The following ESCO1 variants were observed in gnomAD, a reference collection of about 807,000 sequenced individuals.
The protein encoded by ESCO1 is establishment of sister chromatid cohesion N-acetyltransferase 1, also known as N-acetyltransferase ESCO1.
In ESCO1, 33 loss-of-function variants were observed where a neutral mutation model predicts 83.5. The ratio of observed to expected loss-of-function variants is 0.40; its 90% CI spans 0.30 to 0.53. The LOEUF (loss-of-function observed/expected upper bound fraction) is 0.53. Ranked by LOEUF, ESCO1 falls within the 20% of genes least tolerant of loss-of-function variation. The pLI is 0.63. For missense variants in ESCO1, 855 were observed against 968.0 expected (o/e 0.88, Z 1.55); for synonymous variants, 332 against 324.3 (o/e 1.02, Z -0.25).
intron 2 of ESCO1, among the ~76,000 whole-genome samples, chr18:21,582,266 G>T (rs1205928644): frequency 2.0e-5 from 3 of 149,652 alleles, no homozygotes; most frequent in Non-Finnish European, 4.4e-5. Context: ...TTTCGCTCCT[G>T]TTGTCCAAGC....
At chr18:21,558,123 C>A (rs2038135866) in intron 8 of ESCO1, among the ~76,000 whole-genome samples, 1 of 151,814 alleles carries the variant, frequency 6.6e-6, no homozygotes, top group Non-Finnish European at 1.5e-5. Flanking sequence ...GAAACTGGGA[C>A]TACAGGCGCA....
intron 1 of ESCO1, among the ~76,000 whole-genome samples, chr18:21,584,996 G>A (rs1023191220): frequency 3.0e-4 from 46 of 152,018 alleles, no homozygotes; most frequent in African/African-American, 1.1e-3. Flanking sequence ...ACAAAAATTA[G>A]CCAGGTGTGG....
At chr18:21,549,613 C>T (rs2038019658) in intron 8 of ESCO1, among the ~76,000 whole-genome samples, 1 of 151,830 alleles carries the variant, frequency 6.6e-6, no homozygotes, top group South Asian at 2.1e-4. Context: ...CGGGGTTTTA[C>T]CATGTTGGTC....
intron 1 of ESCO1, among the ~76,000 whole-genome samples, chr18:21,598,466 G>T (rs990116288): frequency 6.6e-6 from 1 of 151,988 alleles, no homozygotes; most frequent in Non-Finnish European, 1.5e-5. Flanking sequence ...TTGGGAGGCC[G>T]AGGCAGGCGG....
intron 8 of ESCO1, among the ~76,000 whole-genome samples, chr18:21,554,955 G>A (rs1166536743): frequency 1.3e-5 from 2 of 151,826 alleles, no homozygotes; most frequent in Non-Finnish European, 2.9e-5. Context: ...AATTAGCCAG[G>A]TGTGGCGACA....
chr18:21,557,180 CA>C (rs2038124381), intron 8 of ESCO1, among the ~76,000 whole-genome samples: 1 of 152,082 alleles, frequency 6.6e-6, no homozygotes, highest in Non-Finnish European at 1.5e-5. Context: ...TTTTATCATT[CA>C]AAATATTCGA....
intron 8 of ESCO1, among the ~76,000 whole-genome samples, chr18:21,552,520 C>T (rs1044655771): frequency 6.6e-6 from 1 of 152,198 alleles, no homozygotes; most frequent in African/African-American, 2.4e-5. Context: ...TTGTAAGTTT[C>T]CTAAGGCCTT....
chr18:21,548,338 T>C (rs530078465), intron 8 of ESCO1, among the ~76,000 whole-genome samples: 1 of 148,016 alleles, frequency 6.8e-6, no homozygotes, highest in East Asian at 2.1e-4. Flanking sequence ...ACAAAAAAAA[T>C]AGAAAAATTA....
chr18:21,569,105 A>G (rs763276065), intron 4 of ESCO1, among the ~76,000 whole-genome samples: 53 of 152,178 alleles, frequency 3.5e-4, no homozygotes, highest in Middle Eastern at 3.4e-3. Flanking sequence ...GCCTTTCCCA[A>G]TCTTCTCTAG....
At position 21,529,842 on chromosome 18, in the gene ESCO1, T is replaced by G. The variant is rs769943509; in HGVS notation, c.*501A>C. The G allele has an allele frequency of 1.3e-5, 2 of 152,726 alleles. No homozygotes were observed. The highest frequency in any genetic ancestry group is 1.9e-4 in the East Asian group (1 of 5,194). The allele number at this position is 152,726 out of a possible 1,614,324, so 9.5% of individuals were successfully genotyped here. On this transcript the variant is annotated 3_prime_UTR_variant, in exon 12 of 12. Transcript: ENST00000269214. ...AGTATAGTTCAGGCCTTTTAAAAAT[T>G]AGCTTCAAATTCCAAAACACTTAAT...
Position 21,574,094 on chromosome 18 carries a change from T to C in ESCO1, c.750A>G (p.Lys250=). 6.2e-7 allele frequency: 1 copy of C among 1,613,124 alleles called. No individual in the cohort carries two copies. Among genetic ancestry groups the C allele is most frequent in the South Asian group, 1.1e-5 (1 of 91,072 alleles). The change falls in exon 4 of 12, where the codon AAA becomes AAG. Residue 250 remains lysine (K), a synonymous_variant. Coordinates refer to ENST00000269214, the MANE Select transcript of ESCO1 (RefSeq NM_052911.3). ...TTTTCGGGACCACTGAAGTAGCCAT[T>C]TTTGATCTTTTCACCTCAGAAGTTA... The part of the protein sequence containing the change: ...VPVTSEVKRS[K]MATSVVPKKN...
chr18:21,555,047 G>C (rs1040986279), intron 8 of ESCO1, among the ~76,000 whole-genome samples: 12 of 152,202 alleles, frequency 7.9e-5, no homozygotes, highest in Non-Finnish European at 1.8e-4. Context: ...AGTGAGCAGA[G>C]ATCACGCCAC....
At chr18:21,572,748 T>G (rs923069945) in intron 4 of ESCO1, among the ~76,000 whole-genome samples, 1 of 152,116 alleles carries the variant, frequency 6.6e-6, no homozygotes, top group Non-Finnish European at 1.5e-5. Context: ...ATGGATTACC[T>G]GAGGTCGGGA....
intron 1 of ESCO1, among the ~76,000 whole-genome samples, chr18:21,599,790 T>C (rs1330862118): frequency 2.6e-5 from 4 of 152,128 alleles, no homozygotes; most frequent in South Asian, 4.1e-4. Context: ...GGACGCATCA[T>C]TGAGAGGCGG....
At chr18:21,539,776 A>C in intron 9 of ESCO1, 144 bp downstream of exon 9, 2 of 603,532 alleles carry the variant, frequency 3.3e-6, no homozygotes, top group East Asian at 3.0e-5. Context: ...TGAACCCGGG[A>C]GACAGAGGTT....
At chr18:21,579,792 GCGCACACACACACACA>G (rs761062685) in intron 2 of ESCO1, among the ~76,000 whole-genome samples, 18,320 of 134,982 alleles carry the variant, frequency 0.14, 1,411 homozygotes, top group Middle Eastern at 0.25. Flanking sequence ...ACACGCGCGC[GCGCACACACACACACA>G]CACACACACA....
chr18:21,536,551 G>A (rs367900491), intron 9 of ESCO1, among the ~76,000 whole-genome samples: 9 of 147,670 alleles, frequency 6.1e-5, no homozygotes, highest in South Asian at 4.3e-4. Context: ...AGATTGCGCC[G>A]TTGCACTCCA....
chr18:21,567,136 C>A (rs77083361), intron 5 of ESCO1, among the ~76,000 whole-genome samples: 3,653 of 152,098 alleles, frequency 0.024, 151 homozygotes, highest in African/African-American at 0.083. Context: ...AAATCCTCAT[C>A]CAACAGTTCA....
chr18:21,578,980 C>T (rs1249943655), intron 2 of ESCO1, among the ~76,000 whole-genome samples: 1 of 152,192 alleles, frequency 6.6e-6, no homozygotes, highest in South Asian at 2.1e-4. Context: ...CCTCCCTCAA[C>T]CTCCTGAGTA....
Sources: gnomAD v4.1 joint callset for allele counts (sites outside exome capture counted in the v4.1 genomes callset) on GRCh38, gnomAD v4.1.1 for gene constraint, MANE v1.5 for transcripts, NCBI Gene and HGNC (gene_info 2026-07-23, HGNC 2026-07-21) for gene names.